Variants in C8A observed in about 807,000 individuals in gnomAD.
C8A encodes complement C8 alpha chain, also known as complement component C8 alpha chain.
A neutral mutation model predicts 65.3 loss-of-function variants in C8A; 67 were observed. The ratio of observed to expected loss-of-function variants is 1.03; its 90% CI spans 0.84 to 1.26. C8A has a LOEUF of 1.26. C8A is among the 50% of genes most tolerant of loss of function. The probability of loss-of-function intolerance (pLI) is 0.00; values close to 1 mark genes in which losing one functional copy is unlikely to be tolerated. For synonymous variants in C8A, 290 were observed against 259.4 expected (o/e 1.12, Z -1.13); for missense variants, 781 against 723.9 (o/e 1.08, Z -0.90).
chr1:56,895,643 T>C (rs1267912948), intron 7 of C8A, among the ~76,000 whole-genome samples: 1 of 152,176 alleles, frequency 6.6e-6, no homozygotes, highest in South Asian at 2.1e-4. Context: ...TGTAGTTAAG[T>C]ATTTAAACTT....
intron 10 of C8A, among the ~76,000 whole-genome samples, chr1:56,913,501 G>A (rs929195439): frequency 6.6e-5 from 10 of 152,146 alleles, no homozygotes. Context: ...AGAAGTCTGG[G>A]GACTTGGATG....
Position 56,876,149 on chromosome 1 carries a change from C to T in C8A, c.404C>T (p.Ala135Val), listed in dbSNP as rs772921534. ...SDEDDCEDVRAIDEDCSQYEP... is the reference protein window; with the variant it reads ...SDEDDCEDVRVIDEDCSQYEP... ...GAGGACGACTGTGAAGATGTCAGGG[C>T]CATTGACGAAGACTGCAGCCAGTAT... The change falls in exon 4 of 11, where the codon GCC (alanine) becomes GTC (valine). Residue 135 changes from alanine to valine, a missense_variant. Coordinates refer to ENST00000361249, the MANE Select transcript of C8A (RefSeq NM_000562.3). 1 of 1,613,866 alleles carries T rather than the reference C, an allele frequency of 6.2e-7. No individual in the cohort carries two copies. Among genetic ancestry groups the T allele is most frequent in the Non-Finnish European group, 8.5e-7 (1 of 1,179,884 alleles).
chr1:56,870,439 A>T (rs1570319221), intron 2 of C8A, among the ~76,000 whole-genome samples: 1 of 152,168 alleles, frequency 6.6e-6, no homozygotes, highest in Middle Eastern at 3.4e-3. Flanking sequence ...TTGCTGCCTC[A>T]TCTGTGTGTC....
chr1:56,858,526 A>G (rs1206680184), intron 1 of C8A, among the ~76,000 whole-genome samples: 2 of 152,196 alleles, frequency 1.3e-5, no homozygotes, highest in African/African-American at 4.8e-5. Flanking sequence ...TCTTTTTGCT[A>G]AGTAGGCCTA....
chr1:56,862,865 C>G (rs1644047881), intron 1 of C8A, among the ~76,000 whole-genome samples: 1 of 152,144 alleles, frequency 6.6e-6, no homozygotes, highest in African/African-American at 2.4e-5. Flanking sequence ...AAAATTTATA[C>G]AGTTCTTTTG....
chr1:56,886,928 A>T (rs1644304869), intron 7 of C8A, among the ~76,000 whole-genome samples: 1 of 152,168 alleles, frequency 6.6e-6, no homozygotes, highest in African/African-American at 2.4e-5. Context: ...CTGGCAATGT[A>T]AATTCTCAGG....
At chr1:56,894,217 C>T (rs1644370866) in intron 7 of C8A, among the ~76,000 whole-genome samples, 1 of 152,070 alleles carries the variant, frequency 6.6e-6, no homozygotes, top group African/African-American at 2.4e-5. Flanking sequence ...GGAGGGAAAT[C>T]ATTATCATGA....
At chr1:56,870,686 G>T (rs191371681) in intron 2 of C8A, among the ~76,000 whole-genome samples, 1 of 150,246 alleles carries the variant, frequency 6.7e-6, no homozygotes, top group Non-Finnish European at 1.5e-5. Context: ...TAAATTTTTC[G>T]TATTTATTTC....
chr1:56,911,690 C>T (rs1250463446), intron 9 of C8A, among the ~76,000 whole-genome samples: 3 of 152,132 alleles, frequency 2.0e-5, no homozygotes, highest in Admixed American at 6.5e-5. Context: ...GCAATAGTGC[C>T]GAAGTTGAAA....
chr1:56,897,824 AG>A, intron 7 of C8A, among the ~76,000 whole-genome samples: 1 of 152,320 alleles, frequency 6.6e-6, no homozygotes, highest in East Asian at 1.9e-4. Flanking sequence ...CCACTCATTC[AG>A]TAAATGCTCA....
In C8A at chr1:56,908,129, G is replaced by C. The variant is rs1557715182; in HGVS notation, c.1380+16G>C. Reference sequence around the variant, plus strand: ...CGATTTTGAGGTAAGTCTTTTCGCAGTTGAAGAAACTCTACGTCCATGAGG... The same window carrying C: ...CGATTTTGAGGTAAGTCTTTTCGCACTTGAAGAAACTCTACGTCCATGAGG... On this transcript the variant is annotated intron_variant, in intron 9 of 10. Transcript: ENST00000361249. 1.2e-6 allele frequency: 2 copies of C among 1,613,526 alleles called. No individual in the cohort carries two copies. Among genetic ancestry groups the C allele is most frequent in the South Asian group, 2.2e-5 (2 of 91,058 alleles).
intron 1 of C8A, among the ~76,000 whole-genome samples, chr1:56,858,512 T>A (rs941410198): frequency 6.6e-6 from 1 of 152,118 alleles, no homozygotes; most frequent in Non-Finnish European, 1.5e-5. Flanking sequence ...GCTTCTAAAG[T>A]TTTTCTTTTT....
At chr1:56,890,262 G>A (rs928128521) in intron 7 of C8A, among the ~76,000 whole-genome samples, 2 of 152,030 alleles carry the variant, frequency 1.3e-5, no homozygotes, top group Admixed American at 1.3e-4. Flanking sequence ...TCTGAACCTT[G>A]TAGGGGCATC....
Position 56,883,535 on chromosome 1 carries a change from C to G in C8A, c.709C>G (p.Leu237Val), listed in dbSNP as rs757275215. 1.2e-6 allele frequency: 2 copies of G among 1,613,780 alleles called. No individual in the cohort carries two copies. The highest frequency in any genetic ancestry group is 2.2e-5 in the South Asian group (2 of 91,076). ...SEFYDNANDLLSKVKKDKSDS... is the reference protein window; with the variant it reads ...SEFYDNANDLVSKVKKDKSDS... Reference sequence around the variant, plus strand: ...GTTTTATGATAATGCAAATGACCTTCTTTCCAAAGTTAAAAAAGACAAGTC... The same window carrying G: ...GTTTTATGATAATGCAAATGACCTTGTTTCCAAAGTTAAAAAAGACAAGTC... The change falls in exon 6 of 11, where the codon CTT becomes GTT. Residue 237 changes from leucine to valine, a missense_variant. Leu to Val is a conservative substitution (Grantham distance 32). Transcript: ENST00000361249.
intron 9 of C8A, among the ~76,000 whole-genome samples, chr1:56,911,810 GACA>G (rs151277626): frequency 0.037 from 5,708 of 152,316 alleles, 197 homozygotes; most frequent in South Asian, 0.11. Flanking sequence ...GCTCAGCAAT[GACA>G]ACAACACTAC....
chr1:56,876,325 G>A (rs984747760), intron 4 of C8A, 116 bp downstream of exon 4: 78 of 1,213,422 alleles, frequency 6.4e-5, no homozygotes, highest in Non-Finnish European at 4.8e-6. Context: ...AGTGCATGCT[G>A]TGAGCTGCTC....
chr1:56,913,914 G>A (rs1377070613), intron 10 of C8A, among the ~76,000 whole-genome samples: 3 of 152,166 alleles, frequency 2.0e-5, no homozygotes, highest in Non-Finnish European at 4.4e-5. Flanking sequence ...CTCAGTGGGA[G>A]CCTGATACAG....
intron 6 of C8A, among the ~76,000 whole-genome samples, chr1:56,885,370 T>TTACGTAAATA (rs1236518518): frequency 4.4e-5 from 3 of 68,576 alleles, no homozygotes; most frequent in South Asian, 8.4e-4. Flanking sequence ...AAATATATAT[T>TTACGTAAATA]TATATTTATT....
At chr1:56,855,994 T>A (rs1273005235) in intron 1 of C8A, among the ~76,000 whole-genome samples, 1 of 152,178 alleles carries the variant, frequency 6.6e-6, no homozygotes, top group Non-Finnish European at 1.5e-5. Context: ...CGCCGAGATA[T>A]TCTTAATTAT....
Sources: allele counts gnomAD v4.1 joint callset (sites outside exome capture counted in the v4.1 genomes callset), GRCh38; gene constraint gnomAD v4.1.1; transcripts MANE v1.5; gene names NCBI Gene and HGNC (gene_info 2026-07-23, HGNC 2026-07-21).